Variants in GALNT14 observed in about 807,000 individuals in gnomAD.
GALNT14 encodes the protein UDP-GalNAc:polypeptide N-acetylgalactosaminyltransferase 14.
A neutral mutation model predicts 77.5 loss-of-function variants in GALNT14; 60 were observed. That is an observed-to-expected ratio of 0.77 (90% CI 0.63 to 0.96). The LOEUF (loss-of-function observed/expected upper bound fraction) is 0.96. Ranked by LOEUF, GALNT14 falls within the 40% of genes least tolerant of loss-of-function variation. The probability of loss-of-function intolerance (pLI) is 0.00; values close to 1 mark genes in which losing one functional copy is unlikely to be tolerated. For missense variants in GALNT14, 710 were observed against 731.0 expected (o/e 0.97, Z 0.33); for synonymous variants, 280 against 281.7 (o/e 0.99, Z 0.06).
chr2:31,075,856 C>T (rs966380686), intron 1 of GALNT14, among the ~76,000 whole-genome samples: 6 of 152,214 alleles, frequency 3.9e-5, no homozygotes, highest in African/African-American at 9.6e-5. Flanking sequence ...CAGACACATT[C>T]GTGAGTTAGG....
chr2:31,137,611 ACT>A (rs1039058895), intron 1 of GALNT14, among the ~76,000 whole-genome samples: 32 of 151,008 alleles, frequency 2.1e-4, no homozygotes, highest in Admixed American at 1.9e-3. Context: ...ACCGCCGGCG[ACT>A]CTCTGGCAGC....
chr2:30,918,208 C>T (rs907704801), intron 13 of GALNT14, among the ~76,000 whole-genome samples: 1 of 152,162 alleles, frequency 6.6e-6, no homozygotes, highest in African/African-American at 2.4e-5. Context: ...CAAGATTACA[C>T]TTATATGTGT....
intron 1 of GALNT14, among the ~76,000 whole-genome samples, chr2:31,088,616 A>T (rs1676576462): frequency 6.6e-6 from 1 of 152,192 alleles, no homozygotes. Flanking sequence ...AAGCAAAAAC[A>T]TATGCTAGTT....
intron 11 of GALNT14, among the ~76,000 whole-genome samples, chr2:30,926,850 G>A (rs1665417033): frequency 6.6e-6 from 1 of 152,138 alleles, no homozygotes; most frequent in South Asian, 2.1e-4. Context: ...TCAGGGCTTG[G>A]GGGCCAGGAG....
chr2:31,124,657 A>G (rs1332966026), intron 1 of GALNT14, among the ~76,000 whole-genome samples: 1 of 152,146 alleles, frequency 6.6e-6, no homozygotes, highest in Admixed American at 6.5e-5. Flanking sequence ...GTCTCCCTCT[A>G]TTGCCCAGGA....
At chr2:31,094,985 C>T (rs1013465803) in intron 1 of GALNT14, among the ~76,000 whole-genome samples, 1 of 152,090 alleles carries the variant, frequency 6.6e-6, no homozygotes, top group Non-Finnish European at 1.5e-5. Context: ...TAGGAGTTGA[C>T]ACCCAAGAAT....
At chr2:30,916,556 G>A (rs769475917) in intron 13 of GALNT14, among the ~76,000 whole-genome samples, 7 of 152,312 alleles carry the variant, frequency 4.6e-5, no homozygotes, top group East Asian at 1.9e-4. Context: ...GGAGGGGATC[G>A]ACTGGGTCAG....
intron 1 of GALNT14, among the ~76,000 whole-genome samples, chr2:31,134,340 G>A (rs189235788): frequency 2.0e-4 from 30 of 152,324 alleles, no homozygotes; most frequent in African/African-American, 7.2e-4. Flanking sequence ...AAGATGCCTA[G>A]AGGCCTGAGC....
intron 9 of GALNT14, among the ~76,000 whole-genome samples, chr2:30,936,560 C>T (rs1666069161): frequency 6.6e-6 from 1 of 152,192 alleles, no homozygotes; most frequent in Non-Finnish European, 1.5e-5. Context: ...AACAGACACT[C>T]ACCTGGCTAC....
rs1672251117 is a variant in GALNT14, at chr2:31,029,081, C to CT, written c.130-36075dup. Among the ~76,000 whole-genome samples the CT allele has an allele frequency of 2.6e-5, 4 of 152,284 alleles. No individual in the cohort carries two copies. The South Asian group carries it at 8.3e-4, about 32-fold the overall frequency. On this transcript the variant is annotated intron_variant, in intron 1 of 14. Coordinates refer to ENST00000349752, the MANE Select transcript of GALNT14 (RefSeq NM_024572.4). ...CAAACTGCCCCACCCAACAAGAACT[C>CT]TAACGCGTGCAGAGGGAAGAAAATT...
At chr2:31,125,035 A>T in intron 1 of GALNT14, 1 of 693,104 alleles carries the variant, frequency 1.4e-6, no homozygotes, top group Non-Finnish European at 2.5e-6. Context: ...TTCTCTCTCC[A>T]GACATCCTGG....
intron 13 of GALNT14, among the ~76,000 whole-genome samples, chr2:30,913,791 T>C (rs1664511834): frequency 6.6e-6 from 1 of 152,126 alleles, no homozygotes; most frequent in African/African-American, 2.4e-5. Flanking sequence ...GAGATGCAAA[T>C]ATAGATGAAA....
chr2:31,134,413 C>T (rs768834252), intron 1 of GALNT14, among the ~76,000 whole-genome samples: 22 of 152,334 alleles, frequency 1.4e-4, no homozygotes, highest in Non-Finnish European at 2.2e-4. Context: ...CATGATTACA[C>T]GCTAGGAAAA....
chr2:31,045,916 T>C (rs1449006443), intron 1 of GALNT14, among the ~76,000 whole-genome samples: 1 of 152,208 alleles, frequency 6.6e-6, no homozygotes, highest in African/African-American at 2.4e-5. Context: ...CACCTGTATC[T>C]CTTATTCTAT....
intron 2 of GALNT14, among the ~76,000 whole-genome samples, chr2:30,977,168 C>T (rs1668683865): frequency 6.7e-6 from 1 of 149,486 alleles, no homozygotes; most frequent in African/African-American, 2.5e-5. Context: ...TGGCTCACTG[C>T]AACCTCTGCC....
chr2:30,983,374 GT>G (rs1263414348), intron 2 of GALNT14, among the ~76,000 whole-genome samples: 1 of 152,126 alleles, frequency 6.6e-6, no homozygotes, highest in Non-Finnish European at 1.5e-5. Context: ...TCAATAATTT[GT>G]TGAATGAATT....
intron 2 of GALNT14, among the ~76,000 whole-genome samples, chr2:30,967,634 C>G (rs983738050): frequency 2.0e-5 from 3 of 152,170 alleles, no homozygotes; most frequent in African/African-American, 7.2e-5. Context: ...TCACCATGTC[C>G]TTTTGCCCCA....
chr2:30,888,165 C>T, the GALNT14 span, among the ~76,000 whole-genome samples: 2 of 152,190 alleles, frequency 1.3e-5, no homozygotes, highest in African/African-American at 2.4e-5. Flanking sequence ...CCATTCCAGC[C>T]CCATTCCTGT....
chr2:30,951,092 C>G (rs1202789672), intron 6 of GALNT14, among the ~76,000 whole-genome samples: 2 of 152,136 alleles, frequency 1.3e-5, no homozygotes, highest in East Asian at 3.8e-4. Flanking sequence ...AACAGAGACT[C>G]AAACAAAAAC....
Sources: allele counts gnomAD v4.1 joint callset (sites outside exome capture counted in the v4.1 genomes callset), GRCh38; gene constraint gnomAD v4.1.1; transcripts MANE v1.5; gene names NCBI Gene and HGNC (gene_info 2026-07-23, HGNC 2026-07-21).